ADAMTSL1: variants seen among roughly 807,000 people sequenced by gnomAD.
ADAMTSL1 encodes the protein ADAMTS like 1.
A neutral mutation model predicts 201.8 loss-of-function variants in ADAMTSL1; 126 were observed. That is an observed-to-expected ratio of 0.62 (90% CI 0.54 to 0.72). The LOEUF (loss-of-function observed/expected upper bound fraction) is 0.72. Among genes scored for constraint, ADAMTSL1 ranks in the 30% least tolerant of loss-of-function variants. The pLI is 0.00. For missense variants in ADAMTSL1, 2,679 were observed against 2,277.8 expected, an observed-to-expected ratio of 1.18 and a Z score of -3.59; for synonymous variants, 1,121 against 903.4, an observed-to-expected ratio of 1.24 and a Z score of -4.32.
At chr9:18,196,437 G>A (rs1320310384) in intron 2 of ADAMTSL1, among the ~76,000 whole-genome samples, 1 of 152,178 alleles carries the variant, frequency 6.6e-6, no homozygotes, top group African/African-American at 2.4e-5. Context: ...TTGTAAAAAT[G>A]TGGCTGTTGC....
chr9:18,812,667 T>C (rs1823575676), intron 20 of ADAMTSL1, among the ~76,000 whole-genome samples: 1 of 152,186 alleles, frequency 6.6e-6, no homozygotes, highest in South Asian at 2.1e-4. Flanking sequence ...AGTAGTTTTA[T>C]CATTTTGGGT....
chr9:18,638,293 G>A (rs942945912), intron 6 of ADAMTSL1, among the ~76,000 whole-genome samples: 6 of 152,036 alleles, frequency 3.9e-5, no homozygotes, highest in African/African-American at 1.4e-4. Flanking sequence ...AGGTACTTGA[G>A]TGCCTCCAGA....
chr9:18,886,166 G>GTATGTGTATATATA (rs55916376), intron 23 of ADAMTSL1, among the ~76,000 whole-genome samples: 7 of 37,136 alleles, frequency 1.9e-4, no homozygotes, highest in Non-Finnish European at 3.4e-4. Context: ...GTGTGTATGT[G>GTATGTGTATATATA]TATATATATA....
intron 1 of ADAMTSL1, among the ~76,000 whole-genome samples, chr9:18,093,652 C>G (rs1824121121): frequency 6.6e-6 from 1 of 152,074 alleles, no homozygotes; most frequent in Non-Finnish European, 1.5e-5. Flanking sequence ...CTATAAAAAT[C>G]TAGTAAAATT....
chr9:18,025,884 A>T (rs904484605), intron 1 of ADAMTSL1, among the ~76,000 whole-genome samples: 26 of 152,244 alleles, frequency 1.7e-4, no homozygotes, highest in African/African-American at 5.1e-4. Flanking sequence ...TCAGTCCAAG[A>T]GCATGGAATG....
At chr9:18,123,803 T>A (rs1435528987) in intron 1 of ADAMTSL1, among the ~76,000 whole-genome samples, 1 of 152,208 alleles carries the variant, frequency 6.6e-6, no homozygotes, top group Non-Finnish European at 1.5e-5. Flanking sequence ...ATCTATTTCA[T>A]ATCTCTGGAT....
At chr9:18,848,705 A>C (rs1191466763) in intron 23 of ADAMTSL1, among the ~76,000 whole-genome samples, 1 of 152,134 alleles carries the variant, frequency 6.6e-6, no homozygotes, top group Non-Finnish European at 1.5e-5. Flanking sequence ...TTGGGCAAAC[A>C]TTTTCTGTAA....
chr9:18,550,174 G>C (rs1370424421), intron 3 of ADAMTSL1, among the ~76,000 whole-genome samples: 3 of 151,938 alleles, frequency 2.0e-5, no homozygotes, highest in Non-Finnish European at 2.9e-5. Flanking sequence ...GTAACACAAT[G>C]GTTCTCCAAA....
intron 13 of ADAMTSL1, among the ~76,000 whole-genome samples, chr9:18,706,441 AACC>A (rs1832237899): frequency 6.6e-6 from 1 of 152,182 alleles, no homozygotes; most frequent in Non-Finnish European, 1.5e-5. Context: ...GAGGAGAAGA[AACC>A]ACCAATTCCC....
At chr9:18,458,426 T>C (rs1820687646) in intron 2 of ADAMTSL1, among the ~76,000 whole-genome samples, 3 of 152,154 alleles carry the variant, frequency 2.0e-5, no homozygotes, top group African/African-American at 7.2e-5. Flanking sequence ...TATTAGTGAG[T>C]GGATCACTGC....
intron 2 of ADAMTSL1, among the ~76,000 whole-genome samples, chr9:18,345,891 G>A (rs989523196): frequency 5.3e-5 from 8 of 151,470 alleles, no homozygotes; most frequent in Non-Finnish European, 8.8e-5. Flanking sequence ...CAATGATGAG[G>A]AATTGAACAT....
At chr9:18,544,558 G>A (rs760330254) in intron 3 of ADAMTSL1, among the ~76,000 whole-genome samples, 6 of 152,018 alleles carry the variant, frequency 3.9e-5, no homozygotes, top group East Asian at 1.9e-4. Flanking sequence ...CCACGAGAGC[G>A]GGGTTTAGCA....
chr9:18,698,023 T>TATCTGATA, intron 13 of ADAMTSL1, among the ~76,000 whole-genome samples: 1 of 152,372 alleles, frequency 6.6e-6, no homozygotes, highest in South Asian at 2.1e-4. Flanking sequence ...ATAATAGTTT[T>TATCTGATA]ATCTGATAAT....
At chr9:18,400,467 T>C (rs1425536067) in intron 2 of ADAMTSL1, among the ~76,000 whole-genome samples, 1 of 152,224 alleles carries the variant, frequency 6.6e-6, no homozygotes, top group African/African-American at 2.4e-5. Context: ...CTATGTTTCG[T>C]TCATAATACG....
intron 2 of ADAMTSL1, among the ~76,000 whole-genome samples, chr9:18,381,752 T>G (rs1017872491): frequency 1.3e-5 from 2 of 152,042 alleles, no homozygotes; most frequent in Admixed American, 1.3e-4. Context: ...TTTAAAACTA[T>G]GTATCACCGA....
chr9:18,074,262 C>T (rs1823095569), intron 1 of ADAMTSL1, among the ~76,000 whole-genome samples: 1 of 152,088 alleles, frequency 6.6e-6, no homozygotes, highest in African/African-American at 2.4e-5. Flanking sequence ...CATTTTCTTT[C>T]AAAAAACTAT....
At chr9:18,844,383 C>A (rs1366449687) in intron 23 of ADAMTSL1, among the ~76,000 whole-genome samples, 4 of 152,166 alleles carry the variant, frequency 2.6e-5, no homozygotes, top group African/African-American at 9.6e-5. Context: ...GCTGTCTGAT[C>A]GTTCCTCTGA....
At chr9:18,299,047 G>T (rs1205602726) in intron 2 of ADAMTSL1, among the ~76,000 whole-genome samples, 1 of 149,388 alleles carries the variant, frequency 6.7e-6, no homozygotes. Flanking sequence ...AATAATAGCC[G>T]CCGTTTTTGC....
At chr9:18,141,960 T>A (rs1826417246) in intron 1 of ADAMTSL1, among the ~76,000 whole-genome samples, 1 of 152,194 alleles carries the variant, frequency 6.6e-6, no homozygotes, top group African/African-American at 2.4e-5. Flanking sequence ...TTCCCAGGGC[T>A]GTGGCCAGGT....
Sources: allele counts gnomAD v4.1 joint callset (sites outside exome capture counted in the v4.1 genomes callset), GRCh38; gene constraint gnomAD v4.1.1; transcripts MANE v1.5; gene names NCBI Gene and HGNC (gene_info 2026-07-23, HGNC 2026-07-21).